The following COPZ1 variants were observed in gnomAD, a reference collection of about 807,000 sequenced individuals.
The protein encoded by COPZ1 is coat protein complex I subunit zeta 1.
Under a neutral mutation model 31.7 loss-of-function variants are expected in COPZ1, and 4 were observed. The ratio of observed to expected loss-of-function variants is 0.13; its 90% confidence interval spans 0.06 to 0.29. The LOEUF is 0.29. Ranked by LOEUF, COPZ1 falls within the 10% of genes least tolerant of loss-of-function variation. The probability of loss-of-function intolerance (pLI) is 1.00; values close to 1 mark genes in which losing one functional copy is unlikely to be tolerated. For synonymous variants in COPZ1, 74 were observed against 79.0 expected, an observed-to-expected ratio of 0.94 and a Z score of 0.33; for missense variants, 156 against 211.5, an observed-to-expected ratio of 0.74 and a Z score of 1.63.
chr12:54,346,668 C>A, intron 5 of COPZ1: 1 of 701,646 alleles, frequency 1.4e-6, no homozygotes, highest in Non-Finnish European at 2.6e-6. Flanking sequence ...CAAGCTTGGG[C>A]AACACAGTGA....
Position 54,350,422 on chromosome 12 carries a change from T to C in COPZ1, c.487-54T>C, listed in dbSNP as rs1954127971. 2.0e-6 allele frequency: 3 copies of C among 1,483,230 alleles called. No individual in the cohort carries two copies. The South Asian group carries it at 3.4e-5, about 17-fold the overall frequency. 91.9% of individuals were successfully genotyped at this position (1,483,230 alleles called of 1,614,324 possible). ...AGGGGAAGGAGATCCCCAGCCCTCATCCTTACCCTGCCCTGTCAGCAAGCT... is the reference window on the plus strand; with the variant it reads ...AGGGGAAGGAGATCCCCAGCCCTCACCCTTACCCTGCCCTGTCAGCAAGCT... On this transcript the variant is annotated intron_variant, in intron 8 of 8. Coordinates refer to ENST00000262061, the MANE Select transcript of COPZ1 (RefSeq NM_016057.3).
chr12:54,331,601 A>G (rs978001361), intron 1 of COPZ1, among the ~76,000 whole-genome samples: 3 of 152,274 alleles, frequency 2.0e-5, no homozygotes, highest in Admixed American at 6.5e-5. Flanking sequence ...AAACCAGAGG[A>G]GAATAGAGCA....
At chr12:54,336,420 A>G (rs868790330) in intron 1 of COPZ1, among the ~76,000 whole-genome samples, 62 of 152,220 alleles carry the variant, frequency 4.1e-4, no homozygotes, top group African/African-American at 1.4e-3. Flanking sequence ...AGGTGCGTGT[A>G]GTCCCAGCTA....
chr12:54,340,734 C>G, intron 2 of COPZ1, 119 bp downstream of exon 2: 1 of 1,098,516 alleles, frequency 9.1e-7, no homozygotes, highest in South Asian at 1.7e-5. Context: ...GAGAATACTT[C>G]CATCTTTTTT....
At chr12:54,330,547 C>T (rs1362728110) in intron 1 of COPZ1, among the ~76,000 whole-genome samples, 1 of 152,094 alleles carries the variant, frequency 6.6e-6, no homozygotes, top group African/African-American at 2.4e-5. Flanking sequence ...TCTAGGGGAG[C>T]TGTCACATGG....
At chr12:54,333,803 G>C (rs921582843) in intron 1 of COPZ1, among the ~76,000 whole-genome samples, 6 of 152,170 alleles carry the variant, frequency 3.9e-5, no homozygotes, top group African/African-American at 1.4e-4. Context: ...CCTGCCGTCA[G>C]TTCTTCCCGA....
chr12:54,329,233 A>T (rs547892694), intron 1 of COPZ1, among the ~76,000 whole-genome samples: 1 of 152,222 alleles, frequency 6.6e-6, no homozygotes. Context: ...ACCATTCTCC[A>T]TTAATAACCT....
At chr12:54,342,575 G>A (rs1565594894) in intron 3 of COPZ1, 1 of 418,078 alleles carries the variant, frequency 2.4e-6, no homozygotes, top group East Asian at 4.9e-5. Flanking sequence ...ATCCATTAGG[G>A]CAGGTAAATG....
At chr12:54,342,312 A>G (rs1331681141) in intron 3 of COPZ1, 25 bp downstream of exon 3, 2 of 1,554,684 alleles carry the variant, frequency 1.3e-6, no homozygotes, top group Non-Finnish European at 1.8e-6. Flanking sequence ...TTTCACTACT[A>G]CCCGTGCTGG....
intron 1 of COPZ1, among the ~76,000 whole-genome samples, chr12:54,338,577 ACAT>A (rs1477920425): frequency 6.6e-6 from 1 of 152,236 alleles, no homozygotes; most frequent in Non-Finnish European, 1.5e-5. Context: ...CAAAGTGGCC[ACAT>A]CAGAAAATCC....
rs1260740383 is a variant in COPZ1 at position 54,340,513 on chromosome 12, C to T, written c.19-34C>T. 3 of 1,613,118 alleles carry T rather than the reference C, an allele frequency of 1.9e-6. No individual in the cohort carries two copies. In the Admixed American group the frequency reaches 5.0e-5, roughly 27 times the overall value. ...CTGGTTTACCAGTGGTGATGGGAGG[C>T]TTCAGGACTGAAGGTATGTTCGTAT... On this transcript the variant is annotated intron_variant, in intron 1 of 8. Transcript: ENST00000262061.
At chr12:54,338,545 T>C (rs575970536) in intron 1 of COPZ1, among the ~76,000 whole-genome samples, 2 of 152,324 alleles carry the variant, frequency 1.3e-5, no homozygotes, top group African/African-American at 4.8e-5. Context: ...AGAGGAGGGA[T>C]AAAGTTGGTA....
chr12:54,345,427 C>T, intron 4 of COPZ1, 33 bp from the exon 5 acceptor site: 1 of 1,588,268 alleles, frequency 6.3e-7, no homozygotes, highest in African/African-American at 1.3e-5. Flanking sequence ...GGGCCTTGAA[C>T]CTTATCCTTC....
At chr12:54,330,307 CTG>C (rs1169273080) in intron 1 of COPZ1, among the ~76,000 whole-genome samples, 7 of 152,148 alleles carry the variant, frequency 4.6e-5, no homozygotes, top group Admixed American at 4.6e-4. Flanking sequence ...TCAGAATAAA[CTG>C]TGCTGTTACT....
chr12:54,343,787 A>G (rs1471207548), intron 4 of COPZ1, among the ~76,000 whole-genome samples: 3 of 152,232 alleles, frequency 2.0e-5, no homozygotes, highest in African/African-American at 7.2e-5. Context: ...TCAGATAGCA[A>G]CTTCTAGGAG....
intron 1 of COPZ1, among the ~76,000 whole-genome samples, chr12:54,326,061 T>A (rs929341716): frequency 6.6e-6 from 1 of 150,802 alleles, no homozygotes; most frequent in Non-Finnish European, 1.5e-5. Flanking sequence ...CCTCAAGTGA[T>A]CCGCCCGCCT....
At chr12:54,333,835 T>G (rs940539548) in intron 1 of COPZ1, among the ~76,000 whole-genome samples, 1 of 152,198 alleles carries the variant, frequency 6.6e-6, no homozygotes, top group Non-Finnish European at 1.5e-5. Context: ...AGTTTTTTCT[T>G]TATAACCAAT....
At chr12:54,341,988 A>G (rs528853959) in intron 2 of COPZ1, among the ~76,000 whole-genome samples, 3 of 152,254 alleles carry the variant, frequency 2.0e-5, no homozygotes, top group South Asian at 2.1e-4. Context: ...TGGAAATGTG[A>G]GGTGGGGTTG....
intron 8 of COPZ1, chr12:54,350,242 C>A: frequency 1.4e-6 from 1 of 702,636 alleles, no homozygotes; most frequent in Admixed American, 2.0e-5. Flanking sequence ...TTCTTTTATA[C>A]CAGGTATACC....
Sources: gnomAD v4.1 joint callset for allele counts (sites outside exome capture counted in the v4.1 genomes callset) on GRCh38, gnomAD v4.1.1 for gene constraint, MANE v1.5 for transcripts, NCBI Gene and HGNC (gene_info 2026-07-23, HGNC 2026-07-21) for gene names.